The following RIF1 variants were observed in gnomAD, a reference collection of about 807,000 sequenced individuals.
RIF1 encodes the protein replication timing regulatory factor 1.
A neutral mutation model predicts 247.1 loss-of-function variants in RIF1; 45 were observed. The observed-to-expected ratio is 0.18, with a 90% CI of 0.14 to 0.23. RIF1 has a LOEUF of 0.23. Among genes scored for constraint, RIF1 ranks in the 10% least tolerant of loss-of-function variants. RIF1 has a pLI of 1.00. For missense variants in RIF1, 2,967 were observed against 2,862.5 expected, an observed-to-expected ratio of 1.04 and a Z score of -0.83; for synonymous variants, 1,087 against 978.8, an observed-to-expected ratio of 1.11 and a Z score of -2.06.
chr2:151,523,145 T>C, the RIF1 span, among the ~76,000 whole-genome samples: 1 of 152,264 alleles, frequency 6.6e-6, no homozygotes, highest in African/African-American at 2.4e-5. Context: ...TAAGTTCTTG[T>C]TACATCTCAT....
chr2:151,474,648 C>G (rs1331836108), intron 35 of RIF1, among the ~76,000 whole-genome samples: 1 of 152,150 alleles, frequency 6.6e-6, no homozygotes, highest in African/African-American at 2.4e-5. Context: ...TGCACTCCAG[C>G]CTGGGCAATA....
intron 6 of RIF1, among the ~76,000 whole-genome samples, chr2:151,418,808 G>T (rs1481472080): frequency 6.6e-6 from 1 of 152,002 alleles, no homozygotes; most frequent in East Asian, 1.9e-4. Context: ...CCGGGAGGCA[G>T]AGGTTGCAGT....
chr2:151,503,897 C>T (rs960909958), intron 12 of RIF1, among the ~76,000 whole-genome samples: 3 of 152,132 alleles, frequency 2.0e-5, no homozygotes, highest in South Asian at 4.1e-4. Flanking sequence ...GAATGTTCCT[C>T]GCTGGCTCCT....
chr2:151,483,760 G>A (rs1402893866), downstream of RIF1, among the ~76,000 whole-genome samples: 1 of 152,166 alleles, frequency 6.6e-6, no homozygotes, highest in Non-Finnish European at 1.5e-5. Context: ...GAGGTCGAGT[G>A]GCCGGTGAGC....
At chr2:151,414,641 A>G (rs978884325) in intron 3 of RIF1, among the ~76,000 whole-genome samples, 182 bp from the exon 4 acceptor site, 3 of 151,904 alleles carry the variant, frequency 2.0e-5, no homozygotes, top group African/African-American at 7.2e-5. Flanking sequence ...TTCTTTACCA[A>G]GCTGTACACA....
At chr2:151,436,179 T>G (rs925476333) in intron 11 of RIF1, among the ~76,000 whole-genome samples, 2 of 151,798 alleles carry the variant, frequency 1.3e-5, no homozygotes, top group African/African-American at 4.8e-5. Flanking sequence ...TGAGCCGAGA[T>G]CTCGCCACTG....
At chr2:151,531,120 G>C in the RIF1 span, 93 of 1,489,208 alleles carry the variant, frequency 6.2e-5, no homozygotes, top group Non-Finnish European at 8.4e-5. Flanking sequence ...TCAAAAAGCA[G>C]AAAGACATCA....
Position 151,506,290 on chromosome 2 carries a change from C to T in RIF1, c.*942C>T, listed in dbSNP as rs746053646. 23 of 1,530,090 alleles carry T rather than the reference C, an allele frequency of 1.5e-5. No individual in the cohort carries two copies. The South Asian group carries it at 1.6e-4, about 11-fold the overall frequency. 94.8% of individuals were successfully genotyped at this position (1,530,090 alleles called of 1,614,324 possible). On this transcript the variant is annotated 3_prime_UTR_variant and NMD_transcript_variant, in exon 13 of 14. Transcript: ENST00000454583. Reference sequence around the variant, plus strand: ...ATTCAGAATCAGGACAGTGTTAACACAGAAGAAAAGAAAACCCAGCAGTTC... The same window carrying T: ...ATTCAGAATCAGGACAGTGTTAACATAGAAGAAAAGAAAACCCAGCAGTTC...
Position 151,479,256 on chromosome 2 carries a change from AT to A in RIF1, c.*4187del, listed in dbSNP as rs2049068835. 1 of 152,244 alleles carries A rather than the reference AT, an allele frequency of 6.6e-6. No homozygotes were observed. Among genetic ancestry groups the A allele is most frequent in the South Asian group, 2.1e-4 (1 of 4,836 alleles). 9.4% of individuals were successfully genotyped at this position (152,244 alleles called of 1,614,324 possible). A position where few individuals can be genotyped will look rare whatever the true frequency, so the allele number is the denominator to read the frequency against. Reference sequence around the variant, plus strand: ...GGTTTTGAAGGCTTAAAGTTCAAAAATTATAAGAAAGTTAAGAATTTTGCTT... The same window carrying A: ...GGTTTTGAAGGCTTAAAGTTCAAAAATATAAGAAAGTTAAGAATTTTGCTT... On this transcript the variant is annotated 3_prime_UTR_variant, in exon 36 of 36. Coordinates refer to ENST00000444746, the MANE Select transcript of RIF1 (RefSeq NM_018151.5).
downstream of RIF1, chr2:151,512,605 C>T: frequency 2.6e-6 from 2 of 762,704 alleles, no homozygotes; most frequent in Non-Finnish European, 4.5e-6. Flanking sequence ...TGAGCCACTG[C>T]ACCTGGTGAA....
chr2:151,424,945 T>C (rs2152238430), intron 8 of RIF1, among the ~76,000 whole-genome samples: 1 of 150,322 alleles, frequency 6.7e-6, no homozygotes, highest in East Asian at 2.0e-4. Context: ...TCCAAAATTG[T>C]TGGATTACAG....
chr2:151,437,219 A>G (rs1157889847), intron 12 of RIF1, 22 bp from the exon 13 acceptor site: 1 of 1,542,268 alleles, frequency 6.5e-7, no homozygotes. Context: ...TTACATAATT[A>G]TCTTTTATTC....
Position 151,462,244 on chromosome 2 carries a change from G to A in RIF1, c.3230G>A (p.Cys1077Tyr). The A allele has an allele frequency of 6.4e-7, 1 of 1,566,102 alleles. No homozygotes were observed. Among genetic ancestry groups the A allele is most frequent in the Non-Finnish European group, 8.7e-7 (1 of 1,148,688 alleles). ...HQKEVLKTKR[C>Y]DIPAMYNNLD... ...TACTTATATATAGTTTTTTTCAGGT[G>A]TGATATTCCTGCCATGTATAATAAT... Residue 1077 changes from cysteine to tyrosine, a missense_variant and splice_region_variant, in exon 28 of 36, where the codon TGT becomes TAT. Physicochemically the swap from Cys to Tyr is radical, Grantham distance 194. Transcript: ENST00000444746.
chr2:151,436,605 A>G (rs1191916366), intron 11 of RIF1, among the ~76,000 whole-genome samples: 2 of 151,824 alleles, frequency 1.3e-5, no homozygotes, highest in Non-Finnish European at 2.9e-5. Context: ...TCATTGAAAG[A>G]CATATGATAT....
chr2:151,514,556 A>G, the RIF1 span: 1 of 767,046 alleles, frequency 1.3e-6, no homozygotes, highest in Non-Finnish European at 2.3e-6. Context: ...AAATATGAAT[A>G]CAGGCAGGGT....
the RIF1 span, among the ~76,000 whole-genome samples, chr2:151,527,796 G>A: frequency 3.3e-5 from 5 of 152,146 alleles, no homozygotes; most frequent in Admixed American, 2.0e-4. Flanking sequence ...CCGAAATAGA[G>A]GCTAAAATTT....
intron 22 of RIF1, among the ~76,000 whole-genome samples, chr2:151,455,664 A>G (rs1695072704): frequency 1.6e-5 from 1 of 62,856 alleles, no homozygotes; most frequent in Non-Finnish European, 3.6e-5. Flanking sequence ...TTTAAAACAT[A>G]TGGGAGGATG....
chr2:151,433,005 G>A (rs2152314164), intron 9 of RIF1, 72 bp from the exon 10 acceptor site: 1 of 1,159,198 alleles, frequency 8.6e-7, no homozygotes, highest in South Asian at 1.7e-5. Context: ...ATAAAAGACT[G>A]TTGCATAGCT....
At chr2:151,452,161 A>G (rs1223072300) in intron 21 of RIF1, among the ~76,000 whole-genome samples, 1 of 152,228 alleles carries the variant, frequency 6.6e-6, no homozygotes, top group African/African-American at 2.4e-5. Flanking sequence ...TTTTCCAGAA[A>G]TGTTACAAAG....
Sources: gnomAD v4.1 joint callset for allele counts (sites outside exome capture counted in the v4.1 genomes callset) on GRCh38, gnomAD v4.1.1 for gene constraint, MANE v1.5 for transcripts, NCBI Gene and HGNC (gene_info 2026-07-23, HGNC 2026-07-21) for gene names.